ETF1: variants seen among roughly 807,000 people sequenced by gnomAD.
ETF1 encodes the protein eukaryotic peptide chain release factor subunit 1.
Under a neutral mutation model 55.1 loss-of-function variants are expected in ETF1, and 4 were observed. The ratio of observed to expected loss-of-function variants is 0.07; its 90% confidence interval spans 0.04 to 0.17. ETF1 has a LOEUF of 0.17. Among genes scored for constraint, ETF1 ranks in the 10% least tolerant of loss-of-function variants. ETF1 has a pLI of 1.00. For synonymous variants in ETF1, 157 were observed against 182.3 expected (o/e 0.86, Z 1.12); for missense variants, 142 against 523.6 (o/e 0.27, Z 7.11).
chr5:138,538,697 T>G (rs1167056784), intron 2 of ETF1, among the ~76,000 whole-genome samples: 1 of 152,062 alleles, frequency 6.6e-6, no homozygotes, highest in Non-Finnish European at 1.5e-5. Context: ...TGAAATTCAG[T>G]GCTTTGAGAA....
At chr5:138,521,027 C>G (rs1409197653) in intron 2 of ETF1, among the ~76,000 whole-genome samples, 1 of 152,086 alleles carries the variant, frequency 6.6e-6, no homozygotes, top group African/African-American at 2.4e-5. Flanking sequence ...CGGGGACTTA[C>G]ACACCAATGT....
intron 6 of ETF1, chr5:138,512,018 G>C (rs1193869734): frequency 9.3e-6 from 3 of 324,020 alleles, no homozygotes; most frequent in African/African-American, 6.9e-5. Context: ...AGGCAACATG[G>C]TGAAACCCTG....
At chr5:138,533,420 G>A (rs1765784114) in intron 2 of ETF1, among the ~76,000 whole-genome samples, 2 of 151,416 alleles carry the variant, frequency 1.3e-5, no homozygotes, top group South Asian at 4.2e-4. Context: ...GGGCACAGTG[G>A]CTCACGCCTG....
intron 6 of ETF1, among the ~76,000 whole-genome samples, chr5:138,512,248 ATATATATATATTT>A (rs1321861455): frequency 3.4e-4 from 4 of 11,862 alleles, no homozygotes; most frequent in African/African-American, 1.1e-3. Context: ...ATATATATAT[ATATATATATATTT>A]TTTTTTTTTT....
chr5:138,534,613 A>G (rs993576329), intron 2 of ETF1, among the ~76,000 whole-genome samples: 4 of 152,210 alleles, frequency 2.6e-5, no homozygotes, highest in Non-Finnish European at 5.9e-5. Flanking sequence ...AAATCTTTGC[A>G]CCTGAGTCTC....
At chr5:138,513,754 A>G (rs755402630) in intron 4 of ETF1, 48 bp from the exon 5 acceptor site, 1 of 1,564,340 alleles carries the variant, frequency 6.4e-7, no homozygotes, top group South Asian at 1.2e-5. Context: ...AAGCTTTGCT[A>G]AGGTCAAAAA....
intron 2 of ETF1, among the ~76,000 whole-genome samples, chr5:138,522,693 A>C (rs13165101): frequency 0.02 from 3,116 of 152,338 alleles, 49 homozygotes; most frequent in Non-Finnish European, 0.031. Context: ...GCAATAAAAT[A>C]AATGACATAT....
chr5:138,532,837 T>C (rs1002895604), intron 2 of ETF1, among the ~76,000 whole-genome samples: 23 of 152,238 alleles, frequency 1.5e-4, no homozygotes, highest in African/African-American at 3.9e-4. Context: ...TATTCTGATA[T>C]AACCTATGGC....
intron 2 of ETF1, among the ~76,000 whole-genome samples, chr5:138,525,606 T>G (rs1425068595): frequency 6.6e-6 from 1 of 152,124 alleles, no homozygotes; most frequent in African/African-American, 2.4e-5. Flanking sequence ...ACTTACATCT[T>G]GAAGGCAAAG....
At position 138,507,764 on chromosome 5, in the gene ETF1, AAC is replaced by A. The variant is rs1357892506; in HGVS notation, c.*539_*540del. 6.5e-6 allele frequency: 1 copy of A among 153,016 alleles called. No individual in the cohort carries two copies. Among genetic ancestry groups the A allele is most frequent in the Admixed American group, 6.5e-5 (1 of 15,318 alleles). 9.5% of individuals were successfully genotyped at this position (153,016 alleles called of 1,614,324 possible). On this transcript the variant is annotated 3_prime_UTR_variant, in exon 11 of 11. Coordinates refer to ENST00000360541, the MANE Select transcript of ETF1 (RefSeq NM_004730.4). ...CTATTAGCTCACCCTTTCAACATTA[AAC>A]AGAGACCAAGAGAGAAATGGTTCCA...
At chr5:138,512,227 T>A (rs13155733) in intron 6 of ETF1, among the ~76,000 whole-genome samples, 3,512 of 20,374 alleles carry the variant, frequency 0.17, 305 homozygotes, top group Non-Finnish European at 0.19. Context: ...AAAAAAAAAA[T>A]ATATATATAT....
intron 2 of ETF1, among the ~76,000 whole-genome samples, chr5:138,524,665 C>T (rs1561838295): frequency 6.7e-6 from 1 of 149,722 alleles, no homozygotes; most frequent in Non-Finnish European, 1.5e-5. Flanking sequence ...GTAGCCTCTG[C>T]CTCCTGGGTT....
chr5:138,513,511 C>T, intron 5 of ETF1, 57 bp downstream of exon 5: 3 of 1,446,850 alleles, frequency 2.1e-6, no homozygotes, highest in Non-Finnish European at 2.9e-6. Context: ...GCCCACCATA[C>T]TGTTTTCTTA....
intron 2 of ETF1, among the ~76,000 whole-genome samples, chr5:138,522,651 A>G (rs1765281156): frequency 6.6e-6 from 1 of 152,236 alleles, no homozygotes; most frequent in Non-Finnish European, 1.5e-5. Context: ...AATAATCAAA[A>G]TGTGGTACAT....
chr5:138,515,420 A>G (rs1352139401), intron 4 of ETF1, among the ~76,000 whole-genome samples: 1 of 152,196 alleles, frequency 6.6e-6, no homozygotes, highest in Non-Finnish European at 1.5e-5. Flanking sequence ...GCAAAACTCA[A>G]TCTCAGAAAA....
At chr5:138,533,179 C>A (rs1248750139) in intron 2 of ETF1, among the ~76,000 whole-genome samples, 1 of 151,946 alleles carries the variant, frequency 6.6e-6, no homozygotes, top group African/African-American at 2.4e-5. Flanking sequence ...ACCTCTCCAT[C>A]CACCTCAGCC....
At chr5:138,529,484 A>G (rs546260908) in intron 2 of ETF1, 2 of 443,348 alleles carry the variant, frequency 4.5e-6, no homozygotes, top group East Asian at 1.6e-4. Flanking sequence ...TCAAAGAACT[A>G]GTGAATCATG....
chr5:138,509,190 G>A (rs550793457), intron 9 of ETF1: 6 of 985,184 alleles, frequency 6.1e-6, no homozygotes, highest in East Asian at 1.1e-4. Flanking sequence ...GAGTGGCCTC[G>A]TAGAGAACAA....
At chr5:138,531,929 C>T (rs964165976) in intron 2 of ETF1, among the ~76,000 whole-genome samples, 1 of 152,128 alleles carries the variant, frequency 6.6e-6, no homozygotes, top group East Asian at 1.9e-4. Context: ...CGCCTATAGT[C>T]CCAGCTACCT....
Sources: allele counts gnomAD v4.1 joint callset (sites outside exome capture counted in the v4.1 genomes callset), GRCh38; gene constraint gnomAD v4.1.1; transcripts MANE v1.5; gene names NCBI Gene and HGNC (gene_info 2026-07-23, HGNC 2026-07-21).